OLFM3: variants seen among roughly 807,000 people sequenced by gnomAD.
OLFM3 encodes olfactomedin 3, also known as noelin-3.
In OLFM3, 20 loss-of-function variants were observed where a neutral mutation model predicts 48.6. The observed-to-expected ratio is 0.41, with a 90% CI of 0.29 to 0.60. OLFM3 has a LOEUF of 0.60. OLFM3 is among the 20% of genes least tolerant of loss of function. The probability of loss-of-function intolerance (pLI) is 0.28; values close to 1 mark genes in which losing one functional copy is unlikely to be tolerated. For missense variants in OLFM3, 437 were observed against 544.3 expected, an observed-to-expected ratio of 0.80 and a Z score of 1.96; for synonymous variants, 222 against 198.1, an observed-to-expected ratio of 1.12 and a Z score of -1.01.
intron 1 of OLFM3, among the ~76,000 whole-genome samples, chr1:101,982,203 A>T (rs898978038): frequency 6.6e-6 from 1 of 152,172 alleles, no homozygotes; most frequent in Non-Finnish European, 1.5e-5. Flanking sequence ...GGCGATGGTG[A>T]TGCAATCTAC....
chr1:101,942,665 C>T (rs920617210), intron 1 of OLFM3, among the ~76,000 whole-genome samples: 6 of 152,094 alleles, frequency 3.9e-5, no homozygotes, highest in Admixed American at 1.3e-4. Flanking sequence ...TAATTGGTAG[C>T]CATGAGGTGA....
chr1:101,917,836 CA>C (rs1407059286), intron 1 of OLFM3, among the ~76,000 whole-genome samples: 2 of 152,272 alleles, frequency 1.3e-5, no homozygotes, highest in East Asian at 3.9e-4. Flanking sequence ...AATCATAGTA[CA>C]AACTTGGAGA....
chr1:101,815,689 T>A (rs914480058), intron 4 of OLFM3, among the ~76,000 whole-genome samples: 1 of 152,106 alleles, frequency 6.6e-6, no homozygotes, highest in African/African-American at 2.4e-5. Flanking sequence ...TTTACTCGGA[T>A]GAAATGACTG....
chr1:101,943,236 C>A (rs1315851820), intron 1 of OLFM3, among the ~76,000 whole-genome samples: 2 of 152,108 alleles, frequency 1.3e-5, no homozygotes, highest in East Asian at 1.9e-4. Flanking sequence ...GGCTGATGAA[C>A]CTTAAAATTA....
At chr1:101,877,324 C>T (rs1229080244) in intron 1 of OLFM3, among the ~76,000 whole-genome samples, 1 of 151,894 alleles carries the variant, frequency 6.6e-6, no homozygotes, top group Non-Finnish European at 1.5e-5. Context: ...CTCCTCATTC[C>T]TGAAGGACTT....
chr1:101,978,920 G>A (rs1661028907), intron 1 of OLFM3, among the ~76,000 whole-genome samples: 2 of 152,062 alleles, frequency 1.3e-5, no homozygotes, highest in Non-Finnish European at 2.9e-5. Flanking sequence ...TAGATTAAGA[G>A]CCATATGTGA....
In OLFM3 at chr1:101,804,354, T is replaced by C. The variant is rs775047632; in HGVS notation, c.1261A>G (p.Ile421Val). Reference sequence around the variant, plus strand: ...CTTGCATTGTAGTCAAGCATGGATATGTGAAAGTATTGGTTATGGAAGGGA... The same window carrying C: ...CTTGCATTGTAGTCAAGCATGGATACGTGAAAGTATTGGTTATGGAAGGGA... Reference protein sequence around the residue: ...DIPFHNQYFHISMLDYNARDR... With the variant: ...DIPFHNQYFHVSMLDYNARDR... Residue 421 changes from isoleucine (I) to valine (V), a missense_variant, in exon 6 of 6, where the codon ATA becomes GTA. Transcript: ENST00000370103. This position sits in a 1 kb window ranked among gnomAD's most constrained non-coding sequence, Gnocchi z 4.5. The C allele has an allele frequency of 4.3e-6, 7 of 1,612,392 alleles. No homozygotes were observed. The African/African-American group carries it at 8.0e-5, about 18-fold the overall frequency.
rs113961347 is a variant in OLFM3, at chr1:101,962,918, T to C, written c.69+33830A>G. ...ACTTGCTTGAATATTATTATGTTCATTGGGCTGCTAGTTAAATTTGGCAAC... is the reference window on the plus strand; with the variant it reads ...ACTTGCTTGAATATTATTATGTTCACTGGGCTGCTAGTTAAATTTGGCAAC... On this transcript the variant is annotated intron_variant, in intron 1 of 5. Coordinates refer to ENST00000370103, the MANE Select transcript of OLFM3 (RefSeq NM_058170.4). 2.1e-3 allele frequency among the ~76,000 whole-genome samples: 325 copies of C among 152,332 alleles called. 2 individuals carry two copies. The highest frequency in any genetic ancestry group is 7.5e-3 in the African/African-American group (311 of 41,562).
intron 1 of OLFM3, among the ~76,000 whole-genome samples, chr1:101,964,828 A>G (rs780836657): frequency 6.6e-6 from 1 of 152,342 alleles, no homozygotes; most frequent in Non-Finnish European, 1.5e-5. Context: ...ACAAGTTGGT[A>G]CAAACCAAGG....
intron 4 of OLFM3, among the ~76,000 whole-genome samples, chr1:101,816,921 T>G (rs1557685652): frequency 6.6e-6 from 1 of 152,138 alleles, no homozygotes. Flanking sequence ...GGTTATTGAT[T>G]TCCTAAGCTA....
At chr1:101,965,527 T>C (rs1284341512) in intron 1 of OLFM3, among the ~76,000 whole-genome samples, 1 of 152,162 alleles carries the variant, frequency 6.6e-6, no homozygotes, top group Admixed American at 6.6e-5. Flanking sequence ...TCCCACACCA[T>C]CTGGCAGAAA....
At chr1:101,961,760 A>G (rs957945983) in intron 1 of OLFM3, among the ~76,000 whole-genome samples, 1 of 152,194 alleles carries the variant, frequency 6.6e-6, no homozygotes, top group Non-Finnish European at 1.5e-5. Flanking sequence ...GATATAACTT[A>G]TGAAGTTATT....
intron 1 of OLFM3, among the ~76,000 whole-genome samples, chr1:101,980,255 T>C (rs1046955276): frequency 2.6e-5 from 4 of 152,076 alleles, no homozygotes; most frequent in Non-Finnish European, 4.4e-5. Context: ...CGGGAAGGCA[T>C]GATTGGTTTT....
At chr1:101,935,221 C>T (rs974881260) in intron 1 of OLFM3, among the ~76,000 whole-genome samples, 8 of 150,516 alleles carry the variant, frequency 5.3e-5, no homozygotes, top group South Asian at 2.1e-4. Context: ...GATTGATAGA[C>T]CACTAACTAG....
chr1:101,953,038 A>AATGC (rs1453287914), intron 1 of OLFM3, among the ~76,000 whole-genome samples: 3 of 152,158 alleles, frequency 2.0e-5, no homozygotes, highest in African/African-American at 7.2e-5. Context: ...AAAGTACAAA[A>AATGC]ATGCATGCTA....
chr1:101,820,178 T>G (rs1654541054), intron 4 of OLFM3, among the ~76,000 whole-genome samples: 1 of 152,114 alleles, frequency 6.6e-6, no homozygotes, highest in African/African-American at 2.4e-5. Flanking sequence ...GTAAAGACAG[T>G]AACTCAAGTC....
At chr1:101,826,429 T>C (rs748530016) in intron 3 of OLFM3, among the ~76,000 whole-genome samples, 4 of 152,216 alleles carry the variant, frequency 2.6e-5, no homozygotes, top group Non-Finnish European at 5.9e-5. Flanking sequence ...GAATAATACA[T>C]AGATGCTGTC....
chr1:101,919,568 T>G (rs1659029695), intron 1 of OLFM3, among the ~76,000 whole-genome samples: 1 of 152,132 alleles, frequency 6.6e-6, no homozygotes, highest in African/African-American at 2.4e-5. Context: ...TCATACTATT[T>G]CACCATTCAG....
At chr1:101,881,653 GA>G (rs895960902) in intron 1 of OLFM3, among the ~76,000 whole-genome samples, 2 of 151,418 alleles carry the variant, frequency 1.3e-5, no homozygotes, top group African/African-American at 4.9e-5. Flanking sequence ...CCTTCTTTTG[GA>G]AAAAAACCTA....
Sources: allele counts gnomAD v4.1 joint callset (sites outside exome capture counted in the v4.1 genomes callset), GRCh38; gene constraint gnomAD v4.1.1; non-coding constraint Gnocchi (gnomAD v3.1); transcripts MANE v1.5; gene names NCBI Gene and HGNC (gene_info 2026-07-23, HGNC 2026-07-21).